Variants in NLN observed in about 807,000 individuals in gnomAD.
The protein encoded by NLN is neurolysin, mitochondrial.
In NLN, 64 loss-of-function variants were observed where a neutral mutation model predicts 79.9. The ratio of observed to expected loss-of-function variants is 0.80; its 90% CI spans 0.65 to 0.99. NLN has a LOEUF of 0.99. Among genes scored for constraint, NLN ranks in the 50% least tolerant of loss-of-function variants. The pLI, the probability that NLN is intolerant of heterozygous loss-of-function variation, is 0.00. For missense variants in NLN, 835 were observed against 858.7 expected, an observed-to-expected ratio of 0.97 and a Z score of 0.34; for synonymous variants, 267 against 296.6, an observed-to-expected ratio of 0.90 and a Z score of 1.02.
intron 9 of NLN, among the ~76,000 whole-genome samples, chr5:65,797,697 C>G (rs557240284): frequency 6.6e-6 from 1 of 152,174 alleles, no homozygotes; most frequent in African/African-American, 2.4e-5. Flanking sequence ...GCCATATGTA[C>G]GTGAAGTATT....
At chr5:65,735,679 A>T (rs1758713350) in intron 1 of NLN, among the ~76,000 whole-genome samples, 2 of 152,152 alleles carry the variant, frequency 1.3e-5, no homozygotes, top group Admixed American at 1.3e-4. Context: ...CAAATGTGAC[A>T]TGTCATACTT....
intron 1 of NLN, among the ~76,000 whole-genome samples, chr5:65,729,593 C>G (rs1304231198): frequency 1.3e-5 from 2 of 152,008 alleles, no homozygotes; most frequent in Admixed American, 6.6e-5. Flanking sequence ...CTAGGCTGGT[C>G]TCGAACTCCT....
intron 6 of NLN, among the ~76,000 whole-genome samples, chr5:65,782,748 A>G (rs1274625121): frequency 6.6e-6 from 1 of 152,170 alleles, no homozygotes; most frequent in Non-Finnish European, 1.5e-5. Flanking sequence ...AAACTGGCCA[A>G]TTCTCACCCA....
chr5:65,780,821 G>C (rs978486025), intron 5 of NLN, among the ~76,000 whole-genome samples: 4 of 152,134 alleles, frequency 2.6e-5, no homozygotes, highest in African/African-American at 9.7e-5. Context: ...CTACAGGCAT[G>C]TGCCACCACG....
At chr5:65,791,876 G>T (rs948228644) in intron 8 of NLN, among the ~76,000 whole-genome samples, 14 of 152,172 alleles carry the variant, frequency 9.2e-5, no homozygotes, top group African/African-American at 3.4e-4. Context: ...CACTGTACAA[G>T]AATAGTCTAA....
At chr5:65,794,436 C>G (rs1760128443) in intron 9 of NLN, among the ~76,000 whole-genome samples, 1 of 152,070 alleles carries the variant, frequency 6.6e-6, no homozygotes, top group South Asian at 2.1e-4. Context: ...GAAACCCAGT[C>G]TCTACAAAAG....
intron 1 of NLN, among the ~76,000 whole-genome samples, chr5:65,741,724 G>A (rs575389077): frequency 1.3e-5 from 2 of 152,196 alleles, no homozygotes; most frequent in Non-Finnish European, 2.9e-5. Flanking sequence ...TATGTGGATA[G>A]TCGCATTAGT....
At chr5:65,777,823 A>G (rs1363325693) in intron 4 of NLN, among the ~76,000 whole-genome samples, 4 of 152,250 alleles carry the variant, frequency 2.6e-5, no homozygotes, top group Admixed American at 2.6e-4. Context: ...GCAACAAAAA[A>G]CAGAAAATAG....
At chr5:65,802,459 G>A (rs1760306711) in intron 9 of NLN, among the ~76,000 whole-genome samples, 1 of 152,246 alleles carries the variant, frequency 6.6e-6, no homozygotes, top group East Asian at 1.9e-4. Flanking sequence ...TAGCCCCAAA[G>A]AAGGTATCAC....
intron 1 of NLN, among the ~76,000 whole-genome samples, chr5:65,756,359 C>T (rs905858670): frequency 2.6e-5 from 4 of 152,146 alleles, no homozygotes; most frequent in African/African-American, 9.7e-5. Flanking sequence ...TCTCTTGACT[C>T]TCTCACCTCC....
chr5:65,729,105 G>A (rs1758544693), intron 1 of NLN, among the ~76,000 whole-genome samples: 1 of 152,076 alleles, frequency 6.6e-6, no homozygotes, highest in Non-Finnish European at 1.5e-5. Context: ...CAACCTTCCA[G>A]AGTGCTGGGA....
At chr5:65,787,530 A>G (rs1759957112) in intron 7 of NLN, among the ~76,000 whole-genome samples, 1 of 152,176 alleles carries the variant, frequency 6.6e-6, no homozygotes, top group African/African-American at 2.4e-5. Context: ...CATTTATCCA[A>G]ATACAGTAAA....
chr5:65,798,197 C>T (rs1005354877), intron 9 of NLN, among the ~76,000 whole-genome samples: 2 of 152,162 alleles, frequency 1.3e-5, no homozygotes, highest in Non-Finnish European at 2.9e-5. Context: ...GCTTTACATT[C>T]ATTCATTTTT....
chr5:65,748,156 G>A (rs564518896), intron 1 of NLN, among the ~76,000 whole-genome samples: 11 of 152,270 alleles, frequency 7.2e-5, no homozygotes, highest in African/African-American at 9.6e-5. Flanking sequence ...AGCCAAGATC[G>A]TGCCACTGCA....
intron 9 of NLN, among the ~76,000 whole-genome samples, chr5:65,803,705 C>T (rs1027682113): frequency 5.9e-5 from 9 of 152,114 alleles, no homozygotes; most frequent in East Asian, 3.9e-4. Flanking sequence ...CCTGCCTGCT[C>T]CTGGCCCCCA....
At chr5:65,740,813 T>TTA (rs148113155) in intron 1 of NLN, 38,333 of 144,538 alleles carry the variant, frequency 0.27, 5,429 homozygotes, top group South Asian at 0.41. Flanking sequence ...TATAGCTTTG[T>TTA]TATATATATA....
Position 65,792,581 on chromosome 5 carries a change from T to A in NLN, c.1453T>A (p.Ser485Thr). Residue 485 changes from serine to threonine, a missense_variant, in exon 9 of 13, where the codon TCT (serine) becomes ACT (threonine). By Grantham distance (58) the Ser-to-Thr change is moderately conservative (BLOSUM62 1). Coordinates refer to ENST00000380985, the MANE Select transcript of NLN (RefSeq NM_020726.5). The stretch of plus-strand genomic sequence containing the variant: ...CTCACAGCCAGTGGCAGGTCGTCCC[T>A]CTCTCCTGAGACACGACGAGGTGAG... ...NFSQPVAGRP[S>T]LLRHDEVRTY... 1.2e-6 allele frequency: 2 copies of A among 1,613,974 alleles called. No homozygotes were observed. Among genetic ancestry groups the A allele is most frequent in the Non-Finnish European group, 1.7e-6 (2 of 1,179,898 alleles).
rs979286032 is a variant in NLN at position 65,828,211 on chromosome 5, G to A, written c.*5296G>A. ...CATGGTACAGCACACCGGGGGAGGG[G>A]GACGGGAGGCGAGAACTAAGGCTTT... On this transcript the variant is annotated 3_prime_UTR_variant, in exon 13 of 13. Coordinates refer to ENST00000380985, the MANE Select transcript of NLN (RefSeq NM_020726.5). 2.6e-5 allele frequency: 4 copies of A among 152,290 alleles called. No homozygotes were observed. The highest frequency in any genetic ancestry group is 2.1e-4 in the South Asian group (1 of 4,824). 9.4% of individuals were successfully genotyped at this position (152,290 alleles called of 1,614,324 possible).
chr5:65,808,056 C>G (rs1443644497), intron 9 of NLN, among the ~76,000 whole-genome samples: 1 of 152,144 alleles, frequency 6.6e-6, no homozygotes, highest in Non-Finnish European at 1.5e-5. Flanking sequence ...GGACCCTTAC[C>G]TCTTTCCCTG....
Sources: allele counts gnomAD v4.1 joint callset (sites outside exome capture counted in the v4.1 genomes callset), GRCh38; gene constraint gnomAD v4.1.1; transcripts MANE v1.5; gene names NCBI Gene and HGNC (gene_info 2026-07-23, HGNC 2026-07-21).